Variants in CHIC1 observed in about 807,000 individuals in gnomAD.
The protein encoded by CHIC1 is cysteine-rich hydrophobic domain-containing protein 1.
Under a neutral mutation model 18.5 loss-of-function variants are expected in CHIC1, and 7 were observed. The observed-to-expected ratio is 0.38, with a 90% confidence interval of 0.22 to 0.71. CHIC1 has a LOEUF of 0.71. CHIC1 is among the 30% of genes least tolerant of loss of function. The pLI, the probability that CHIC1 is intolerant of heterozygous loss-of-function variation, is 0.49. For missense variants in CHIC1, 159 were observed against 176.9 expected (o/e 0.90, Z 0.57); for synonymous variants, 77 against 73.5 (o/e 1.05, Z -0.25).
chrX:73,572,799 A>G (rs1422803372), intron 1 of CHIC1, among the ~76,000 whole-genome samples: 1 of 110,269 alleles, frequency 9.1e-6, no homozygotes, highest in African/African-American at 3.3e-5. Flanking sequence ...TGATGGGGCT[A>G]TTTGTTTATT....
Position 73,609,345 on chromosome X carries a change from T to G in CHIC1, c.507+24773T>G, listed in dbSNP as rs2057697446. On this transcript the variant is annotated intron_variant, in intron 3 of 5. Transcript: ENST00000373502. The stretch of plus-strand genomic sequence containing the variant: ...TATTAGATTAGCTGTGTATTTTTCA[T>G]GTATGGCCTTTATCATGTTGAGTAA... Among the ~76,000 whole-genome samples, 3 of 108,668 alleles carry G rather than the reference T, an allele frequency of 2.8e-5. 1 individual carries two copies. Among genetic ancestry groups the G allele is most frequent in the Admixed American group, 9.7e-5 (1 of 10,354 alleles). The allele number at this position is 108,668 out of a possible 115,157, so 94.4% of individuals were successfully genotyped here. A position where few individuals can be genotyped will look rare whatever the true frequency, so the allele number is the denominator to read the frequency against.
intron 3 of CHIC1, among the ~76,000 whole-genome samples, chrX:73,625,701 A>G (rs1453476193): frequency 9.0e-6 from 1 of 111,426 alleles, no homozygotes; most frequent in African/African-American, 3.3e-5. Flanking sequence ...TTTTTAGCCG[A>G]CAGGGACTTT....
chrX:73,577,359 T>G (rs1321528021), intron 1 of CHIC1, 48 bp from the exon 2 acceptor site: 1 of 992,246 alleles, frequency 1.0e-6, no homozygotes, highest in South Asian at 2.4e-5. Flanking sequence ...AAAGGGAAGA[T>G]TTAAGTATGC....
chrX:73,650,390 C>G (rs185072155), intron 3 of CHIC1, among the ~76,000 whole-genome samples: 48 of 110,588 alleles, frequency 4.3e-4, no homozygotes, highest in Middle Eastern at 9.3e-3. Context: ...ATCAATGAAT[C>G]TAGGAACTGG....
intron 3 of CHIC1, among the ~76,000 whole-genome samples, chrX:73,602,656 G>A (rs185032267): frequency 5.5e-5 from 6 of 108,613 alleles, no homozygotes; most frequent in East Asian, 2.8e-4. Flanking sequence ...TAGGTCTTCC[G>A]TTTAAGTCTT....
At chrX:73,649,550 C>G (rs770695926) in intron 3 of CHIC1, among the ~76,000 whole-genome samples, 6 of 111,485 alleles carry the variant, frequency 5.4e-5, no homozygotes, top group Non-Finnish European at 9.4e-5. Context: ...ATCCTAGTCT[C>G]TGATAAAACA....
chrX:73,658,726 G>A, intron 3 of CHIC1, among the ~76,000 whole-genome samples: 1 of 111,173 alleles, frequency 9.0e-6, no homozygotes, highest in Non-Finnish European at 1.9e-5. Context: ...GTGATGTTAG[G>A]TTGCTAACTT....
intron 3 of CHIC1, among the ~76,000 whole-genome samples, chrX:73,627,137 CAAAAAAA>C (rs759306668): frequency 4.0e-4 from 23 of 56,980 alleles, no homozygotes; most frequent in African/African-American, 1.2e-3. Context: ...TAAGTTCTCC[CAAAAAAA>C]AAAAAAAAAA....
intron 3 of CHIC1, among the ~76,000 whole-genome samples, chrX:73,593,328 A>G (rs1256294447): frequency 9.0e-6 from 1 of 111,276 alleles, no homozygotes; most frequent in African/African-American, 3.3e-5. Context: ...GACTGTAGGC[A>G]TTTGGCACTG....
chrX:73,663,528 G>A (rs769236780), intron 3 of CHIC1, among the ~76,000 whole-genome samples: 1 of 110,790 alleles, frequency 9.0e-6, no homozygotes, highest in African/African-American at 3.3e-5. Flanking sequence ...ATGTTAGGGG[G>A]CATGTGCTCT....
At chrX:73,641,752 A>G (rs2057857776) in intron 3 of CHIC1, among the ~76,000 whole-genome samples, 1 of 107,451 alleles carries the variant, frequency 9.3e-6, no homozygotes, top group Non-Finnish European at 1.9e-5. Flanking sequence ...CCCACCTGTG[A>G]GTGAGAATAT....
At chrX:73,576,876 C>T (rs2057501766) in intron 1 of CHIC1, among the ~76,000 whole-genome samples, 1 of 110,321 alleles carries the variant, frequency 9.1e-6, no homozygotes, top group Non-Finnish European at 1.9e-5. Flanking sequence ...GACGTGAAAG[C>T]CATTCATAAG....
chrX:73,655,932 T>C (rs1306165946), intron 3 of CHIC1, among the ~76,000 whole-genome samples: 4 of 111,113 alleles, frequency 3.6e-5, no homozygotes, highest in African/African-American at 1.3e-4. Flanking sequence ...CCACCAATGG[T>C]GTAAAAGCAT....
intron 3 of CHIC1, among the ~76,000 whole-genome samples, chrX:73,672,442 C>T (rs2058036490): frequency 1.8e-5 from 2 of 111,793 alleles, no homozygotes; most frequent in African/African-American, 6.5e-5. Context: ...TGTTTCCTGA[C>T]TTTTTAATGA....
chrX:73,587,572 G>A (rs933798888), intron 3 of CHIC1, among the ~76,000 whole-genome samples: 1 of 111,456 alleles, frequency 9.0e-6, no homozygotes, highest in African/African-American at 3.3e-5. Context: ...AGGAGATAGA[G>A]GTTATAATTC....
intron 3 of CHIC1, among the ~76,000 whole-genome samples, chrX:73,592,486 T>C (rs181286168): frequency 1.9e-4 from 21 of 112,097 alleles, no homozygotes; most frequent in African/African-American, 6.8e-4. Context: ...TTTTTTGTCC[T>C]GTTTATGTGG....
rs2147639681 is a variant in CHIC1 at position 73,686,242 on chromosome X, A to C, written c.*5237A>C. ...GAACTAAGATTATTTGACCCCCTCC[A>C]CAGATTGCTTACCTAGTCTCTAAAT... On this transcript the variant is annotated 3_prime_UTR_variant, in exon 6 of 6. Transcript: ENST00000373502. 1 of 111,306 alleles carries C rather than the reference A, an allele frequency of 9.0e-6. No individual in the cohort carries two copies. Among genetic ancestry groups the C allele is most frequent in the East Asian group, 2.8e-4 (1 of 3,522 alleles). 9.2% of individuals were successfully genotyped at this position (111,306 alleles called of 1,213,427 possible). A position where few individuals can be genotyped will look rare whatever the true frequency, so the allele number is the denominator to read the frequency against.
At chrX:73,616,417 G>C (rs1021825235) in intron 3 of CHIC1, among the ~76,000 whole-genome samples, 1 of 111,809 alleles carries the variant, frequency 8.9e-6, no homozygotes, top group East Asian at 2.8e-4. Context: ...GGTGAGAGCT[G>C]TCGGTGGATC....
chrX:73,605,098 G>T lies in CHIC1; in HGVS notation c.507+20526G>T, dbSNP rs767174949. ...TGATTTGTCTAATATTGACAGTGGGGTGTTAAAGTCTCCCACTATTATCGT... is the reference window on the plus strand; with the variant it reads ...TGATTTGTCTAATATTGACAGTGGGTTGTTAAAGTCTCCCACTATTATCGT... On this transcript the variant is annotated intron_variant, in intron 3 of 5. Transcript: ENST00000373502. Among the ~76,000 whole-genome samples the T allele has an allele frequency of 1.3e-4, 14 of 107,987 alleles. 2 individuals are homozygous for T. Among genetic ancestry groups the T allele is most frequent in the African/African-American group, 4.3e-4 (12 of 27,714 alleles). 93.8% of individuals were successfully genotyped at this position (107,987 alleles called of 115,157 possible).
Sources: allele counts gnomAD v4.1 joint callset (sites outside exome capture counted in the v4.1 genomes callset), GRCh38; gene constraint gnomAD v4.1.1; transcripts MANE v1.5; gene names NCBI Gene and HGNC (gene_info 2026-07-23, HGNC 2026-07-21).